EVA1C: variants seen among roughly 807,000 people sequenced by gnomAD.
EVA1C encodes the protein protein eva-1 homolog C.
A neutral mutation model predicts 45.4 loss-of-function variants in EVA1C; 25 were observed. That is an observed-to-expected ratio of 0.55 (90% CI 0.40 to 0.77). The LOEUF (loss-of-function observed/expected upper bound fraction) is 0.77. Ranked by LOEUF, EVA1C falls within the 30% of genes least tolerant of loss-of-function variation. EVA1C has a pLI of 0.00. For missense variants in EVA1C, 479 were observed against 554.8 expected (o/e 0.86, Z 1.37); for synonymous variants, 190 against 221.2 (o/e 0.86, Z 1.25).
At chr21:32,499,880 G>A (rs1437613669) in intron 5 of EVA1C, among the ~76,000 whole-genome samples, 3 of 152,150 alleles carry the variant, frequency 2.0e-5, no homozygotes, top group Non-Finnish European at 4.4e-5. Flanking sequence ...CTTTGCCTGG[G>A]GATTCTGACA....
At chr21:32,489,742 T>G (rs2037092398) in intron 4 of EVA1C, among the ~76,000 whole-genome samples, 1 of 150,442 alleles carries the variant, frequency 6.6e-6, no homozygotes, top group South Asian at 2.1e-4. Flanking sequence ...ATGGGATACC[T>G]TTTCATTTAT....
intron 1 of EVA1C, among the ~76,000 whole-genome samples, chr21:32,431,512 A>T (rs1430118853): frequency 6.6e-6 from 1 of 152,226 alleles, no homozygotes; most frequent in African/African-American, 2.4e-5. Flanking sequence ...ACCCCCAGCT[A>T]ACTGACTATG....
At chr21:32,504,250 T>C (rs1349474582) in intron 7 of EVA1C, among the ~76,000 whole-genome samples, 2 of 152,222 alleles carry the variant, frequency 1.3e-5, no homozygotes, top group African/African-American at 4.8e-5. Flanking sequence ...ATTTAGGAGT[T>C]GAGCTCCACA....
intron 1 of EVA1C, among the ~76,000 whole-genome samples, chr21:32,435,119 C>T (rs189662680): frequency 3.2e-4 from 49 of 152,398 alleles, no homozygotes; most frequent in Admixed American, 7.8e-4. Context: ...TTCTGGCTAT[C>T]ACCTTTGCTC....
intron 1 of EVA1C, among the ~76,000 whole-genome samples, chr21:32,431,103 T>C (rs1422004652): frequency 3.9e-5 from 6 of 152,130 alleles, no homozygotes; most frequent in African/African-American, 1.4e-4. Context: ...GAACTACAAT[T>C]AGAGATTTGG....
intron 4 of EVA1C, among the ~76,000 whole-genome samples, chr21:32,490,307 TA>T: frequency 6.6e-6 from 1 of 152,338 alleles, no homozygotes; most frequent in Middle Eastern, 3.4e-3. Flanking sequence ...AGGTCCATCA[TA>T]TAAGTGGAAT....
intron 4 of EVA1C, among the ~76,000 whole-genome samples, chr21:32,479,272 A>G (rs1483803242): frequency 6.6e-6 from 1 of 152,102 alleles, no homozygotes; most frequent in Non-Finnish European, 1.5e-5. Context: ...AATATAAAAA[A>G]TTTAACTGGG....
rs997096858 is a variant in EVA1C at position 32,515,174 on chromosome 21, T to C, written c.1310T>C (p.Met437Thr). ...SGLDTSLPRN[M>T]GQFY ...TTGGACACCTCGCTCCCAAGAAACA[T>C]GGGCCAGTTCTACTGAAAACCACAT... The change falls in exon 8 of 8, where the codon ATG becomes ACG. Residue 437 changes from methionine to threonine, a missense_variant. Transcript: ENST00000300255. 1 of 1,591,920 alleles carries C rather than the reference T, an allele frequency of 6.3e-7. No individual in the cohort carries two copies. Among genetic ancestry groups the C allele is most frequent in the Admixed American group, 1.7e-5 (1 of 58,356 alleles).
intron 1 of EVA1C, among the ~76,000 whole-genome samples, chr21:32,447,432 T>C (rs1204266311): frequency 6.6e-6 from 1 of 152,160 alleles, no homozygotes; most frequent in Admixed American, 6.5e-5. Flanking sequence ...TATGTATTTA[T>C]CTGTACACAT....
At chr21:32,504,493 T>C (rs2037659260) in intron 7 of EVA1C, among the ~76,000 whole-genome samples, 1 of 152,132 alleles carries the variant, frequency 6.6e-6, no homozygotes, top group Admixed American at 6.5e-5. Flanking sequence ...CCCATGAGGA[T>C]CAATCAGACT....
intron 1 of EVA1C, among the ~76,000 whole-genome samples, chr21:32,451,297 G>C (rs2035570687): frequency 6.6e-6 from 1 of 152,182 alleles, no homozygotes. Context: ...CTGCCAAGCT[G>C]TCTCCCACAC....
At position 32,474,682 on chromosome 21, in the gene EVA1C, G is replaced by A. The variant is rs970254910; in HGVS notation, c.634+6834G>A. ...TGCCAGGCATAGAGTGGGTGCTCACGTGAATCTTGAGGCACAGGAATGAAT... is the reference window on the plus strand; with the variant it reads ...TGCCAGGCATAGAGTGGGTGCTCACATGAATCTTGAGGCACAGGAATGAAT... On this transcript the variant is annotated intron_variant, in intron 4 of 7. Coordinates refer to ENST00000300255, the MANE Select transcript of EVA1C (RefSeq NM_058187.5). The surrounding 1 kb of genome is among the most constrained non-coding windows in gnomAD (Gnocchi z 4.4). Among the ~76,000 whole-genome samples the A allele has an allele frequency of 2.0e-5, 3 of 152,186 alleles. No individual in the cohort carries two copies. Among genetic ancestry groups the A allele is most frequent in the Non-Finnish European group, 2.9e-5 (2 of 68,042 alleles).
At chr21:32,451,947 C>T (rs2035593791) in intron 1 of EVA1C, among the ~76,000 whole-genome samples, 1 of 152,212 alleles carries the variant, frequency 6.6e-6, no homozygotes, top group Non-Finnish European at 1.5e-5. Context: ...ATTCAACCCA[C>T]AGCAGAGCCC....
intron 7 of EVA1C, among the ~76,000 whole-genome samples, chr21:32,511,143 C>T (rs1427867108): frequency 6.6e-6 from 1 of 151,974 alleles, no homozygotes; most frequent in African/African-American, 2.4e-5. Context: ...GGACTAGGCA[C>T]GGTGGCTCAC....
intron 1 of EVA1C, among the ~76,000 whole-genome samples, chr21:32,424,587 C>T (rs531158727): frequency 2.6e-5 from 4 of 152,272 alleles, no homozygotes; most frequent in South Asian, 2.1e-4. Flanking sequence ...AATGCCAGAA[C>T]GCTCCTTCCA....
At chr21:32,425,697 T>G (rs1026883206) in intron 1 of EVA1C, among the ~76,000 whole-genome samples, 5 of 152,170 alleles carry the variant, frequency 3.3e-5, no homozygotes, top group Non-Finnish European at 7.4e-5. Flanking sequence ...TTTCCTGATA[T>G]TTAGTTGAAA....
intron 4 of EVA1C, among the ~76,000 whole-genome samples, chr21:32,479,061 TA>T (rs2036683502): frequency 6.6e-6 from 1 of 152,178 alleles, no homozygotes; most frequent in South Asian, 2.1e-4. Context: ...AGCCAAAAAG[TA>T]AAAATGTAAA....
chr21:32,514,968 C>T lies in EVA1C; in HGVS notation c.1104C>T (p.Val368=), dbSNP rs138312491. ...AGCTGGTGCCAGGAAGTGACAAGGT[C>T]GAGGAGGACAGCGAGGATGAAGAAG... is the stretch of plus-strand genomic sequence containing the variant. The part of the protein sequence containing the change: ...REQLVPGSDK[V]EEDSEDEEEE... The change falls in exon 8 of 8, where the codon GTC becomes GTT. Residue 368 remains valine, a synonymous_variant. Coordinates refer to ENST00000300255, the MANE Select transcript of EVA1C (RefSeq NM_058187.5). 100 of 1,613,916 alleles carry T rather than the reference C, an allele frequency of 6.2e-5. No homozygotes were observed. The highest frequency in any genetic ancestry group is 2.8e-4 in the Admixed American group (17 of 59,974).
rs369206279 is a variant in EVA1C, at chr21:32,474,532, G to A, written c.634+6684G>A. Among the ~76,000 whole-genome samples the A allele has an allele frequency of 2.0e-4, 31 of 152,288 alleles. No homozygotes were observed. The highest frequency in any genetic ancestry group is 7.2e-4 in the African/African-American group (30 of 41,556). On this transcript the variant is annotated intron_variant, in intron 4 of 7. Coordinates refer to ENST00000300255, the MANE Select transcript of EVA1C (RefSeq NM_058187.5). This position sits in a 1 kb window ranked among gnomAD's most constrained non-coding sequence, Gnocchi z 4.4. ...CTCGTCCCTGCAGTCCCTCTCTGGC[G>A]ACCCTTTTGTTGGACTTTCTCCACA...
Sources: gnomAD v4.1 joint callset for allele counts (sites outside exome capture counted in the v4.1 genomes callset) on GRCh38, gnomAD v4.1.1 for gene constraint, Gnocchi (gnomAD v3.1) non-coding constraint, MANE v1.5 for transcripts, NCBI Gene and HGNC (gene_info 2026-07-23, HGNC 2026-07-21) for gene names.